Variants in UNC13C observed in about 807,000 individuals in gnomAD.
The protein encoded by UNC13C is unc-13 homolog C, also known as protein unc-13 homolog C.
In UNC13C, 174 loss-of-function variants were observed where a neutral mutation model predicts 245.4. The observed-to-expected ratio is 0.71, with a 90% CI of 0.63 to 0.80. The LOEUF (loss-of-function observed/expected upper bound fraction) is 0.80. Ranked by LOEUF, UNC13C falls within the 30% of genes least tolerant of loss-of-function variation. The probability of loss-of-function intolerance (pLI) is 0.00; values close to 1 mark genes in which losing one functional copy is unlikely to be tolerated. For synonymous variants in UNC13C, 992 were observed against 895.1 expected, an observed-to-expected ratio of 1.11 and a Z score of -1.93; for missense variants, 2,829 against 2,602.9, an observed-to-expected ratio of 1.09 and a Z score of -1.89.
At chr15:54,104,110 C>T (rs1301962279) in intron 2 of UNC13C, among the ~76,000 whole-genome samples, 1 of 152,244 alleles carries the variant, frequency 6.6e-6, no homozygotes, top group African/African-American at 2.4e-5. Context: ...GGCCTCTCGC[C>T]TCAGCGAGCC....
chr15:54,088,504 A>G (rs1485324909), intron 2 of UNC13C, among the ~76,000 whole-genome samples: 1 of 152,178 alleles, frequency 6.6e-6, no homozygotes, highest in African/African-American at 2.4e-5. Flanking sequence ...GCTGATCCAT[A>G]GGACATTTCA....
At chr15:54,626,529 A>C (rs1197061465) in intron 32 of UNC13C, among the ~76,000 whole-genome samples, 1 of 152,102 alleles carries the variant, frequency 6.6e-6, no homozygotes, top group East Asian at 1.9e-4. Flanking sequence ...ACCCTGGCCT[A>C]GCCCCCATGA....
chr15:54,111,820 A>G (rs1407643642), intron 2 of UNC13C, among the ~76,000 whole-genome samples: 4 of 152,208 alleles, frequency 2.6e-5, no homozygotes, highest in Non-Finnish European at 2.9e-5. Flanking sequence ...ACAGTGAGAC[A>G]TGAAGGGAGA....
At chr15:54,612,506 G>C (rs1224662236) in intron 30 of UNC13C, among the ~76,000 whole-genome samples, 1 of 151,926 alleles carries the variant, frequency 6.6e-6, no homozygotes, top group Non-Finnish European at 1.5e-5. Flanking sequence ...TTTGTGATTT[G>C]ATTTCAAGTT....
intron 19 of UNC13C, among the ~76,000 whole-genome samples, chr15:54,458,780 A>G (rs1168504508): frequency 8.1e-6 from 1 of 124,108 alleles, no homozygotes; most frequent in East Asian, 2.4e-4. Flanking sequence ...CCTTAAGTTT[A>G]TGTGTATCCT....
the UNC13C span, chr15:53,948,224 C>T: frequency 6.6e-6 from 1 of 151,972 alleles, no homozygotes; most frequent in South Asian, 2.1e-4. Context: ...CTTTAAAGTG[C>T]CAGGTTACTG....
At chr15:54,116,010 G>A (rs1222843393) in intron 2 of UNC13C, among the ~76,000 whole-genome samples, 2 of 151,980 alleles carry the variant, frequency 1.3e-5, no homozygotes, top group African/African-American at 2.4e-5. Flanking sequence ...TTTTAATTGA[G>A]ATAAAATATA....
intron 4 of UNC13C, among the ~76,000 whole-genome samples, chr15:54,185,673 G>A (rs1168198781): frequency 6.8e-6 from 1 of 147,100 alleles, no homozygotes; most frequent in Non-Finnish European, 1.5e-5. Flanking sequence ...GGTTACTGTA[G>A]CCTTGTAGTA....
chr15:54,413,125 C>A (rs778609453), intron 18 of UNC13C, among the ~76,000 whole-genome samples: 2 of 151,906 alleles, frequency 1.3e-5, no homozygotes, highest in African/African-American at 2.4e-5. Context: ...ATAAACCTCT[C>A]GATCATAATG....
chr15:54,310,176 G>A (rs2140961330), intron 13 of UNC13C, among the ~76,000 whole-genome samples: 2 of 151,632 alleles, frequency 1.3e-5, no homozygotes, highest in Middle Eastern at 6.8e-3. Context: ...ATTATTGGTT[G>A]TACTTGTAAT....
intron 13 of UNC13C, among the ~76,000 whole-genome samples, chr15:54,307,884 G>T (rs560949967): frequency 2.0e-5 from 3 of 152,062 alleles, no homozygotes; most frequent in African/African-American, 7.2e-5. Flanking sequence ...TGACGAGAAT[G>T]AATAAAATTC....
At chr15:53,969,843 C>T in the UNC13C span, among the ~76,000 whole-genome samples, 1 of 152,010 alleles carries the variant, frequency 6.6e-6, no homozygotes, top group Non-Finnish European at 1.5e-5. Flanking sequence ...AACTGAAATT[C>T]TATACCCATT....
intron 17 of UNC13C, among the ~76,000 whole-genome samples, chr15:54,345,544 G>T (rs1288853535): frequency 6.6e-6 from 1 of 152,202 alleles, no homozygotes; most frequent in Non-Finnish European, 1.5e-5. Flanking sequence ...ACCAGGTGGT[G>T]AAGGGCTGCC....
At chr15:54,373,798 C>T (rs1309515704) in intron 17 of UNC13C, among the ~76,000 whole-genome samples, 1 of 152,202 alleles carries the variant, frequency 6.6e-6, no homozygotes, top group Non-Finnish European at 1.5e-5. Context: ...CTCTTTTAGT[C>T]CTGCTATTCA....
intron 30 of UNC13C, among the ~76,000 whole-genome samples, chr15:54,614,106 T>A (rs1052655462): frequency 6.6e-6 from 1 of 152,052 alleles, no homozygotes; most frequent in Non-Finnish European, 1.5e-5. Context: ...TACAATAATG[T>A]TCGTGTTCTT....
Position 54,014,768 on chromosome 15 carries a change from C to T in UNC13C, c.1865C>T (p.Thr622Ile). The change falls in exon 2 of 33, where the codon ACA (threonine) becomes ATA (isoleucine). Residue 622 changes from threonine to isoleucine, a missense_variant. Transcript: ENST00000260323. ...GIQGQTETEN[T>I]ETVDSGMSNG... ...CAAGGGCAGACTGAAACTGAAAACA[C>T]AGAAACTGTGGATAGTGGAATGAGT... 1 of 1,613,828 alleles carries T rather than the reference C, an allele frequency of 6.2e-7. No individual in the cohort carries two copies.
chr15:54,427,066 A>C (rs1156775932), intron 19 of UNC13C, among the ~76,000 whole-genome samples: 2 of 151,832 alleles, frequency 1.3e-5, no homozygotes, highest in Non-Finnish European at 2.9e-5. Context: ...TTCTACTCTT[A>C]GAATATATAA....
At chr15:54,455,147 T>C (rs1179369539) in intron 19 of UNC13C, among the ~76,000 whole-genome samples, 14 of 134,094 alleles carry the variant, frequency 1.0e-4, no homozygotes, top group Non-Finnish European at 1.8e-4. Flanking sequence ...CATTCCTTTC[T>C]ATGGCTGAGT....
chr15:54,143,494 C>A, intron 3 of UNC13C, 126 bp from the exon 4 acceptor site: 1 of 668,174 alleles, frequency 1.5e-6, no homozygotes, highest in Non-Finnish European at 2.6e-6. Flanking sequence ...GCTGACCCTG[C>A]TTAGCATCTG....
Sources: gnomAD v4.1 joint callset for allele counts (sites outside exome capture counted in the v4.1 genomes callset) on GRCh38, gnomAD v4.1.1 for gene constraint, MANE v1.5 for transcripts, NCBI Gene and HGNC (gene_info 2026-07-23, HGNC 2026-07-21) for gene names.